Variants in KCTD16 observed in about 807,000 individuals in gnomAD.
The protein encoded by KCTD16 is BTB/POZ domain-containing protein KCTD16.
KCTD16 carries 13 observed loss-of-function variants against 33.2 expected under a neutral mutation model. That is an observed-to-expected ratio of 0.39 (90% CI 0.25 to 0.62). KCTD16 has a LOEUF of 0.62. Ranked by LOEUF, KCTD16 falls within the 20% of genes least tolerant of loss-of-function variation. KCTD16 has a pLI of 0.50. For synonymous variants in KCTD16, 197 were observed against 195.3 expected, an observed-to-expected ratio of 1.01 and a Z score of -0.07; for missense variants, 441 against 525.1, an observed-to-expected ratio of 0.84 and a Z score of 1.57.
At chr5:144,328,406 A>G (rs181455259) in intron 3 of KCTD16, among the ~76,000 whole-genome samples, 41 of 152,248 alleles carry the variant, frequency 2.7e-4, no homozygotes, top group Non-Finnish European at 1.5e-4. Flanking sequence ...ATCAATCTGT[A>G]TCTCCTCTCT....
chr5:144,200,485 C>T (rs1753022535), intron 2 of KCTD16, among the ~76,000 whole-genome samples: 1 of 152,164 alleles, frequency 6.6e-6, no homozygotes, highest in African/African-American at 2.4e-5. Flanking sequence ...TGTTTGCTGC[C>T]TTCTTCATCT....
At chr5:144,253,649 C>T (rs1018093805) in intron 3 of KCTD16, among the ~76,000 whole-genome samples, 1 of 151,866 alleles carries the variant, frequency 6.6e-6, no homozygotes, top group Non-Finnish European at 1.5e-5. Context: ...AAAAGAATAC[C>T]GTTTTGGGCA....
intron 2 of KCTD16, among the ~76,000 whole-genome samples, chr5:144,200,426 C>G (rs970597430): frequency 6.6e-6 from 1 of 152,198 alleles, no homozygotes; most frequent in Admixed American, 6.5e-5. Flanking sequence ...TTATACAAGT[C>G]TAATCCAAAT....
intron 3 of KCTD16, among the ~76,000 whole-genome samples, chr5:144,320,504 C>T (rs1020371951): frequency 1.3e-5 from 2 of 152,036 alleles, no homozygotes; most frequent in African/African-American, 4.8e-5. Flanking sequence ...TTAATTGCTA[C>T]ATATTTATTT....
In KCTD16 at chr5:144,477,122, C is replaced by T. The variant is rs1754611621; in HGVS notation, c.*3008C>T. ...TCAGAAACATATTTACAAAGTCCTT[C>T]TACCCACTATCAAAAATGAACTGAT... On this transcript the variant is annotated 3_prime_UTR_variant, in exon 4 of 4. Transcript: ENST00000512467. The T allele has an allele frequency of 6.6e-6, 1 of 152,026 alleles. No homozygotes were observed. The highest frequency in any genetic ancestry group is 2.1e-4 in the South Asian group (1 of 4,828). 9.4% of individuals were successfully genotyped at this position (152,026 alleles called of 1,614,324 possible).
intron 3 of KCTD16, among the ~76,000 whole-genome samples, chr5:144,348,888 A>G (rs1315024167): frequency 1.3e-5 from 2 of 152,250 alleles, no homozygotes; most frequent in South Asian, 2.1e-4. Context: ...CAGCCCCACT[A>G]TCTCCTATTG....
chr5:144,407,502 T>C (rs1049902500), intron 3 of KCTD16, among the ~76,000 whole-genome samples: 3 of 152,100 alleles, frequency 2.0e-5, no homozygotes, highest in Non-Finnish European at 2.9e-5. Flanking sequence ...TAGTACCTGA[T>C]AGATAGTTTT....
chr5:144,423,876 A>G (rs1481483001), intron 3 of KCTD16, among the ~76,000 whole-genome samples: 1 of 152,156 alleles, frequency 6.6e-6, no homozygotes, highest in Non-Finnish European at 1.5e-5. Flanking sequence ...CCACATTGGA[A>G]AAAGAAGAAT....
intron 3 of KCTD16, among the ~76,000 whole-genome samples, chr5:144,403,377 G>C (rs1451142414): frequency 6.6e-6 from 1 of 152,102 alleles, no homozygotes; most frequent in Non-Finnish European, 1.5e-5. Flanking sequence ...GGAAAATTTG[G>C]ACACAGACAC....
rs1754612187 is a variant in KCTD16 at position 144,477,136 on chromosome 5, A to C, written c.*3022A>C. ...ACAAAGTCCTTCTACCCACTATCAA[A>C]AATGAACTGATCTGCATTCAGCAGG... On this transcript the variant is annotated 3_prime_UTR_variant, in exon 4 of 4. Transcript: ENST00000512467. 1 of 152,120 alleles carries C rather than the reference A, an allele frequency of 6.6e-6. No homozygotes were observed. Among genetic ancestry groups the C allele is most frequent in the African/African-American group, 2.4e-5 (1 of 41,430 alleles). The allele number at this position is 152,120 out of a possible 1,614,324, so 9.4% of individuals were successfully genotyped here. A position where few individuals can be genotyped will look rare whatever the true frequency, so the allele number is the denominator to read the frequency against.
intron 3 of KCTD16, among the ~76,000 whole-genome samples, chr5:144,447,543 C>A (rs60868373): frequency 0.083 from 12,463 of 151,046 alleles, 1,695 homozygotes; most frequent in African/African-American, 0.28. Flanking sequence ...GTATCCCAGA[C>A]CTGGAAGTAT....
At chr5:144,185,489 T>A (rs1752706885) in intron 2 of KCTD16, among the ~76,000 whole-genome samples, 1 of 152,172 alleles carries the variant, frequency 6.6e-6, no homozygotes. Context: ...ACATCTTTTT[T>A]GGCTCTGGTT....
intron 3 of KCTD16, among the ~76,000 whole-genome samples, chr5:144,337,367 A>G (rs997329862): frequency 6.6e-6 from 1 of 152,140 alleles, no homozygotes; most frequent in African/African-American, 2.4e-5. Flanking sequence ...GAACGTGCCA[A>G]TTTCACAAGA....
At chr5:144,352,435 C>T (rs1231496191) in intron 3 of KCTD16, among the ~76,000 whole-genome samples, 2 of 152,098 alleles carry the variant, frequency 1.3e-5, no homozygotes, top group East Asian at 3.9e-4. Flanking sequence ...AGCTAATACT[C>T]CTCCCACCCC....
At chr5:144,403,148 C>A (rs902553825) in intron 3 of KCTD16, among the ~76,000 whole-genome samples, 2 of 152,166 alleles carry the variant, frequency 1.3e-5, no homozygotes, top group Non-Finnish European at 2.9e-5. Context: ...AGGGTTATCT[C>A]CCATCTCAAG....
intron 3 of KCTD16, among the ~76,000 whole-genome samples, chr5:144,254,952 T>TG (rs1754806894): frequency 6.6e-6 from 1 of 151,978 alleles, no homozygotes; most frequent in Non-Finnish European, 1.5e-5. Flanking sequence ...TTTGTAGGGA[T>TG]GGGGGTCTCA....
intron 3 of KCTD16, among the ~76,000 whole-genome samples, chr5:144,387,790 C>T (rs1249127167): frequency 4.6e-5 from 7 of 152,154 alleles, no homozygotes; most frequent in Admixed American, 4.6e-4. Flanking sequence ...CAGGTGGACA[C>T]AGCTCTACTG....
chr5:144,273,413 C>A (rs13160956), intron 3 of KCTD16, among the ~76,000 whole-genome samples: 32,834 of 152,060 alleles, frequency 0.22, 3,986 homozygotes, highest in Non-Finnish European at 0.28. Flanking sequence ...AACAGTATGA[C>A]AGTTCATCAA....
intron 3 of KCTD16, among the ~76,000 whole-genome samples, chr5:144,263,708 C>A: frequency 6.6e-6 from 1 of 152,136 alleles, no homozygotes; most frequent in Non-Finnish European, 1.5e-5. Context: ...GTAGTTCAGA[C>A]CAATTATTCC....
Sources: gnomAD v4.1 joint callset for allele counts (sites outside exome capture counted in the v4.1 genomes callset) on GRCh38, gnomAD v4.1.1 for gene constraint, MANE v1.5 for transcripts, NCBI Gene and HGNC (gene_info 2026-07-23, HGNC 2026-07-21) for gene names.